Variants in GCC2 observed in about 807,000 individuals in gnomAD.
The protein encoded by GCC2 is GRIP and coiled-coil domain containing 2, also known as GRIP and coiled-coil domain-containing protein 2.
Under a neutral mutation model 210.6 loss-of-function variants are expected in GCC2, and 120 were observed. The observed-to-expected ratio is 0.57, with a 90% CI of 0.49 to 0.66. GCC2 has a LOEUF of 0.66. Ranked by LOEUF, GCC2 falls within the 30% of genes least tolerant of loss-of-function variation. The pLI is 0.00. For missense variants in GCC2, 1,868 were observed against 1,871.9 expected, an observed-to-expected ratio of 1.00 and a Z score of 0.04; for synonymous variants, 703 against 652.7, an observed-to-expected ratio of 1.08 and a Z score of -1.17.
intron 18 of GCC2, among the ~76,000 whole-genome samples, chr2:108,491,664 A>G (rs1183841378): frequency 6.6e-6 from 1 of 152,188 alleles, no homozygotes; most frequent in Admixed American, 6.5e-5. Context: ...CCTGCCAGGC[A>G]TGAGAGTAAT....
intron 18 of GCC2, among the ~76,000 whole-genome samples, chr2:108,490,740 A>G (rs1053469618): frequency 3.9e-5 from 6 of 152,222 alleles, no homozygotes; most frequent in African/African-American, 1.4e-4. Flanking sequence ...AAGATGTACC[A>G]GTTTTCTAAC....
At chr2:108,455,578 A>G (rs1680232962) in intron 4 of GCC2, among the ~76,000 whole-genome samples, 1 of 136,038 alleles carries the variant, frequency 7.4e-6, no homozygotes, top group Non-Finnish European at 1.6e-5. Context: ...CACAGAATAT[A>G]TAATCATTAA....
At position 108,485,768 on chromosome 2, in the gene GCC2, C is replaced by G. The variant is rs1351117329; in HGVS notation, c.3714+32C>G. ...TAATTTTTCAGTTTCATATTTAGTACTTATTCATAATTTATTTATGAGTAA... is the reference window on the plus strand; with the variant it reads ...TAATTTTTCAGTTTCATATTTAGTAGTTATTCATAATTTATTTATGAGTAA... On this transcript the variant is annotated intron_variant, in intron 14 of 22. Transcript: ENST00000309863. 7.6e-6 allele frequency: 11 copies of G among 1,451,938 alleles called. No homozygotes were observed. The Admixed American group carries it at 1.8e-4, about 24-fold the overall frequency. 89.9% of individuals were successfully genotyped at this position (1,451,938 alleles called of 1,614,324 possible).
In GCC2 at chr2:108,498,121, G is replaced by A. The variant is rs866458478; in HGVS notation, c.4782+1012G>A. 5.1e-3 allele frequency among the ~76,000 whole-genome samples: 742 copies of A among 145,618 alleles called. 6 individuals carry two copies. Among genetic ancestry groups the A allele is most frequent in the African/African-American group, 0.018 (682 of 38,914 alleles). On this transcript the variant is annotated intron_variant, in intron 21 of 22. Coordinates refer to ENST00000309863, the MANE Select transcript of GCC2 (RefSeq NM_181453.4). ...TTTTCTGACTAATAAAAACATTATC[G>A]TAGCTAACAAATCACTAACTAGCCC...
At chr2:108,460,098 A>G (rs2139808) in intron 4 of GCC2, among the ~76,000 whole-genome samples, 118,640 of 152,038 alleles carry the variant, frequency 0.78, 47,329 homozygotes, top group East Asian at 1. Flanking sequence ...TGATCCACCC[A>G]TCTCAGCTTT....
At chr2:108,476,896 G>A (rs550578059) in intron 9 of GCC2, among the ~76,000 whole-genome samples, 1 of 151,958 alleles carries the variant, frequency 6.6e-6, no homozygotes. Context: ...AGAGTGAGTG[G>A]TAATCAGGCG....
At chr2:108,498,117 T>C (rs1682734483) in intron 21 of GCC2, among the ~76,000 whole-genome samples, 1 of 151,630 alleles carries the variant, frequency 6.6e-6, no homozygotes, top group Non-Finnish European at 1.5e-5. Flanking sequence ...ATAAAAACAT[T>C]ATCGTAGCTA....
intron 22 of GCC2, among the ~76,000 whole-genome samples, chr2:108,505,764 A>T (rs1224097086): frequency 6.6e-6 from 1 of 151,962 alleles, no homozygotes; most frequent in East Asian, 1.9e-4. Context: ...AAATAGAACC[A>T]TTTCTGATCT....
In GCC2 at chr2:108,471,757, G is replaced by C. The variant is rs1293995034; in HGVS notation, c.2428G>C (p.Glu810Gln). The change falls in exon 6 of 23, where the codon GAG becomes CAG. Residue 810 changes from glutamate to glutamine, a missense_variant. By Grantham distance (29) the Glu-to-Gln change is conservative. This residue lies in a region of GCC2 where 1,847 missense variants were observed against 1,765.2 expected (regional missense o/e 1.05). Transcript: ENST00000309863. ...LAFQRDEKVL[E>Q]LEKEIKCLQE... The stretch of plus-strand genomic sequence containing the variant: ...TTTTCAGCGTGATGAAAAAGTATTA[G>C]AGTTAGAAAAAGAGATTAAGTGCCT... 1 of 1,613,226 alleles carries C rather than the reference G, an allele frequency of 6.2e-7. No individual in the cohort carries two copies. The highest frequency in any genetic ancestry group is 8.5e-7 in the Non-Finnish European group (1 of 1,179,646).
At chr2:108,505,922 A>G (rs1683160084) in intron 22 of GCC2, among the ~76,000 whole-genome samples, 1 of 152,166 alleles carries the variant, frequency 6.6e-6, no homozygotes, top group South Asian at 2.1e-4. Flanking sequence ...CCCCATGTAA[A>G]ATTTTGAAAA....
At chr2:108,449,764 AGG>A in intron 2 of GCC2, 75 bp downstream of exon 2, 1 of 1,088,236 alleles carries the variant, frequency 9.2e-7, no homozygotes, top group Non-Finnish European at 1.4e-6. Context: ...GGCATGGGGA[AGG>A]GGGGGGCGCT....
chr2:108,478,638 C>T (rs1681668272), intron 9 of GCC2, among the ~76,000 whole-genome samples: 1 of 152,180 alleles, frequency 6.6e-6, no homozygotes, highest in Non-Finnish European at 1.5e-5. Context: ...TTCCAAGACT[C>T]CCCTTAGGAA....
rs1484914966 is a variant in GCC2 at position 108,449,330 on chromosome 2, T to C, written c.6+50T>C. On this transcript the variant is annotated intron_variant, in intron 1 of 22. Coordinates refer to ENST00000309863, the MANE Select transcript of GCC2 (RefSeq NM_181453.4). The stretch of plus-strand genomic sequence containing the variant: ...TCCCATCAAGCCTTCCGCGCCGCGA[T>C]TTGGGATGTGGGAGTGGGCCCGATG... The C allele has an allele frequency of 3.9e-6, 6 of 1,539,956 alleles. No homozygotes were observed. In the South Asian group the frequency reaches 7.2e-5, roughly 18 times the overall value.
chr2:108,501,893 G>A (rs575196142), intron 22 of GCC2, among the ~76,000 whole-genome samples: 49 of 152,044 alleles, frequency 3.2e-4, no homozygotes, highest in Non-Finnish European at 3.4e-4. Context: ...TGATGAAGGA[G>A]GAATGTTCTC....
rs552058327 is a variant in GCC2 at position 108,498,485 on chromosome 2, C to T, written c.4783-1068C>T. Among the ~76,000 whole-genome samples the T allele has an allele frequency of 2.0e-5, 3 of 152,106 alleles. No individual in the cohort carries two copies. The East Asian group carries it at 5.8e-4, about 29-fold the overall frequency. ...TTGGGATTACAGGCATGAGCCACCA[C>T]GCCTGGCCAAATGTTATATTTTCAT... is the stretch of plus-strand genomic sequence containing the variant. On this transcript the variant is annotated intron_variant, in intron 21 of 22. Transcript: ENST00000309863.
intron 22 of GCC2, among the ~76,000 whole-genome samples, chr2:108,503,144 C>A (rs1336609384): frequency 6.7e-6 from 1 of 148,434 alleles, no homozygotes; most frequent in Non-Finnish European, 1.5e-5. Context: ...GATTCAAAAA[C>A]CCAATAAAAT....
intron 7 of GCC2, among the ~76,000 whole-genome samples, chr2:108,473,985 C>G (rs1224741291): frequency 4.2e-5 from 6 of 141,584 alleles, no homozygotes; most frequent in Non-Finnish European, 6.2e-5. Flanking sequence ...AACCCTGTCT[C>G]TACTAAAAAT....
intron 22 of GCC2, among the ~76,000 whole-genome samples, chr2:108,501,625 TAA>T (rs1472324493): frequency 6.6e-6 from 1 of 152,018 alleles, no homozygotes; most frequent in Admixed American, 6.6e-5. Flanking sequence ...ACTAAACTGA[TAA>T]GAGTCATCCT....
chr2:108,449,388 G>A (rs976081457), intron 1 of GCC2, 108 bp downstream of exon 1: 1 of 1,474,146 alleles, frequency 6.8e-7, no homozygotes, highest in Non-Finnish European at 9.1e-7. Context: ...TTGGTGTCCC[G>A]AAGCCCGCGC....
Sources: gnomAD v4.1 joint callset for allele counts (sites outside exome capture counted in the v4.1 genomes callset) on GRCh38, gnomAD v4.1.1 for gene constraint, gnomAD v4.1.1 regional missense constraint, MANE v1.5 for transcripts, NCBI Gene and HGNC (gene_info 2026-07-23, HGNC 2026-07-21) for gene names.